The following UBA5 variants were observed in gnomAD, a reference collection of about 807,000 sequenced individuals.
UBA5 encodes the protein ubiquitin-like modifier-activating enzyme 5.
UBA5 carries 28 observed loss-of-function variants against 52.9 expected under a neutral mutation model. That is an observed-to-expected ratio of 0.53 (90% CI 0.39 to 0.73). The LOEUF is 0.73. Ranked by LOEUF, UBA5 falls within the 30% of genes least tolerant of loss-of-function variation. The pLI, the probability that UBA5 is intolerant of heterozygous loss-of-function variation, is 0.00. For synonymous variants in UBA5, 135 were observed against 162.1 expected (o/e 0.83, Z 1.27); for missense variants, 388 against 492.7 (o/e 0.79, Z 2.01).
At chr3:132,654,861 A>G (rs912918786) in intron 1 of UBA5, among the ~76,000 whole-genome samples, 2 of 152,238 alleles carry the variant, frequency 1.3e-5, no homozygotes, top group African/African-American at 4.8e-5. Flanking sequence ...TTCGTTGTGA[A>G]ACTTCTCAGC....
intron 8 of UBA5, among the ~76,000 whole-genome samples, chr3:132,674,606 T>A (rs925218551): frequency 1.3e-5 from 2 of 152,180 alleles, no homozygotes; most frequent in Non-Finnish European, 1.5e-5. Context: ...ATGGGATTGC[T>A]TGAGCCTGGG....
upstream of UBA5, among the ~76,000 whole-genome samples, chr3:132,656,618 C>T (rs1041803191): frequency 4.6e-5 from 7 of 151,922 alleles, no homozygotes; most frequent in Non-Finnish European, 8.8e-5. Context: ...CTCAGCCTCC[C>T]GAGTAGCTGG....
chr3:132,674,405 T>C (rs1938741062), intron 8 of UBA5, among the ~76,000 whole-genome samples: 1 of 152,178 alleles, frequency 6.6e-6, no homozygotes, highest in African/African-American at 2.4e-5. Context: ...GACATCAGAT[T>C]GGCCGGGTGC....
At chr3:132,662,830 T>C (rs1327015045) in intron 1 of UBA5, among the ~76,000 whole-genome samples, 2 of 152,164 alleles carry the variant, frequency 1.3e-5, no homozygotes, top group East Asian at 1.9e-4. Context: ...TTTTGGGCAG[T>C]TGATTAACCC....
At chr3:132,674,814 T>C (rs1938761249) in intron 8 of UBA5, among the ~76,000 whole-genome samples, 1 of 152,218 alleles carries the variant, frequency 6.6e-6, no homozygotes, top group African/African-American at 2.4e-5. Context: ...ACATTTAAGA[T>C]TGTGCATTTT....
At chr3:132,663,031 C>T (rs551599504) in intron 1 of UBA5, among the ~76,000 whole-genome samples, 2 of 151,922 alleles carry the variant, frequency 1.3e-5, no homozygotes, top group East Asian at 1.9e-4. Flanking sequence ...ATAAAGGGTT[C>T]GTATTAATAA....
Position 132,676,468 on chromosome 3 carries a change from C to G in UBA5, c.1157C>G (p.Thr386Arg). Residue 386 changes from threonine (T) to arginine (R), a missense_variant, in exon 12 of 12, where the codon ACA becomes AGA. By Grantham distance (71) the Thr-to-Arg change is moderately conservative. Around this residue, in one of 3 missense-constraint regions of UBA5, gnomAD observed 277 missense variants for 326.4 expected, o/e 0.85. Transcript: ENST00000356232. This position sits in a 1 kb window ranked among gnomAD's most constrained non-coding sequence, Gnocchi z 4.1. The stretch of plus-strand genomic sequence containing the variant: ...CAAGAAGATTCTGTCACTGAGTTAA[C>G]AGTGGAAGATTCTGGTGAAAGCTTG... ...KKQEDSVTELTVEDSGESLED... is the reference protein window; with the variant it reads ...KKQEDSVTELRVEDSGESLED... 1.2e-6 allele frequency: 2 copies of G among 1,609,978 alleles called. No individual in the cohort carries two copies. Among genetic ancestry groups the G allele is most frequent in the Non-Finnish European group, 8.5e-7 (1 of 1,178,634 alleles).
upstream of UBA5, among the ~76,000 whole-genome samples, chr3:132,655,968 G>A (rs1198896582): frequency 6.6e-6 from 1 of 152,150 alleles, no homozygotes; most frequent in African/African-American, 2.4e-5. Flanking sequence ...TAAGGCATGA[G>A]GAATAGTAAT....
chr3:132,671,798 A>G lies in UBA5; in HGVS notation c.601A>G (p.Thr201Ala). ...TAAGGCTTGTAATGAACTTGGACAA[A>G]CATGGATGGAATCTGGGGTCAGTGA... The part of the protein sequence containing the change: ...INTACNELGQ[T>A]WMESGVSENA... The change falls in exon 7 of 12, where the codon ACA becomes GCA. Residue 201 changes from threonine (T) to alanine (A), a missense_variant. This residue lies in a region of UBA5 where 277 missense variants were observed against 326.4 expected (regional missense o/e 0.85). Transcript: ENST00000356232. 1 of 1,613,154 alleles carries G rather than the reference A, an allele frequency of 6.2e-7. No individual in the cohort carries two copies. Among genetic ancestry groups the G allele is most frequent in the Non-Finnish European group, 8.5e-7 (1 of 1,179,666 alleles).
chr3:132,655,529 C>T (rs192626058), upstream of UBA5, among the ~76,000 whole-genome samples: 183 of 152,304 alleles, frequency 1.2e-3, no homozygotes, highest in Non-Finnish European at 2.0e-3. Context: ...TTAGCAGTCC[C>T]CTCTGTCTGG....
At position 132,676,345 on chromosome 3, in the gene UBA5, C is replaced by T; in HGVS notation, c.1132-98C>T. On this transcript the variant is annotated intron_variant, in intron 11 of 11. Transcript: ENST00000356232. This position sits in a 1 kb window ranked among gnomAD's most constrained non-coding sequence, Gnocchi z 4.1. ...TGTTAAAGAAAATTTACTTTATAACCTTGTTGAGCATGGTCAAAACTTGCT... is the reference window on the plus strand; with the variant it reads ...TGTTAAAGAAAATTTACTTTATAACTTTGTTGAGCATGGTCAAAACTTGCT... 1 of 923,936 alleles carries T rather than the reference C, an allele frequency of 1.1e-6. No individual in the cohort carries two copies. The highest frequency in any genetic ancestry group is 1.7e-6 in the Non-Finnish European group (1 of 600,780). 57.2% of individuals were successfully genotyped at this position (923,936 alleles called of 1,614,324 possible). A position where few individuals can be genotyped will look rare whatever the true frequency, so the allele number is the denominator to read the frequency against.
chr3:132,660,153 G>A (rs16839481), upstream of UBA5: 2,859 of 354,202 alleles, frequency 8.1e-3, 139 homozygotes, highest in Admixed American at 0.097. This position sits in a 1 kb window ranked among gnomAD's most constrained non-coding sequence, Gnocchi z 4.1. Flanking sequence ...AGACTGTCGA[G>A]CCTAAGAATA....
intron 1 of UBA5, among the ~76,000 whole-genome samples, chr3:132,663,491 C>A (rs996245290): frequency 6.6e-6 from 1 of 152,160 alleles, no homozygotes; most frequent in Admixed American, 6.5e-5. Context: ...AGTGTCGAGA[C>A]TCCCAGCCTT....
At chr3:132,658,299 G>C (rs1937926462), upstream of UBA5, among the ~76,000 whole-genome samples, 2 of 152,104 alleles carry the variant, frequency 1.3e-5, no homozygotes, top group Admixed American at 1.3e-4. Flanking sequence ...GGGATCCAGA[G>C]TTCCATATAT....
chr3:132,669,157 T>C (rs1479632844), intron 4 of UBA5, among the ~76,000 whole-genome samples: 1 of 152,208 alleles, frequency 6.6e-6, no homozygotes, highest in Non-Finnish European at 1.5e-5. Context: ...TTAGTTGCAG[T>C]TTGATAGCAG....
At position 132,671,004 on chromosome 3, in the gene UBA5, T is replaced by C. The variant is rs761998975; in HGVS notation, c.534T>C (p.Val178=). ...AAGAAGGAAAACCTGTTGATCTAGTTCTTAGCTGTGTGGACAATTTTGAAG... is the reference window on the plus strand; with the variant it reads ...AAGAAGGAAAACCTGTTGATCTAGTCCTTAGCTGTGTGGACAATTTTGAAG... ...GLEEGKPVDL[V]LSCVDNFEAR... The change falls in exon 6 of 12, where the codon GTT becomes GTC. Residue 178 remains valine, a synonymous_variant. Coordinates refer to ENST00000356232, the MANE Select transcript of UBA5 (RefSeq NM_024818.6). 2.5e-6 allele frequency: 4 copies of C among 1,613,426 alleles called. No homozygotes were observed. The South Asian group carries it at 4.4e-5, about 18-fold the overall frequency.
chr3:132,666,211 G>A (rs1033046139), intron 3 of UBA5, 138 bp downstream of exon 3: 18 of 672,470 alleles, frequency 2.7e-5, no homozygotes, highest in Non-Finnish European at 4.4e-5. Context: ...TTTCTACTCG[G>A]GTTGAGACAT....
Position 132,660,570 on chromosome 3 carries a change from G to C in UBA5, c.33G>C (p.Arg11=). 1 of 1,550,716 alleles carries C rather than the reference G, an allele frequency of 6.4e-7. No individual in the cohort carries two copies. The highest frequency in any genetic ancestry group is 8.7e-7 in the Non-Finnish European group (1 of 1,147,496). Reference sequence around the variant, plus strand: ...AGTCTGTGGAGCGCCTGCAGCAGCGGGTCCAGGAGCTGGAGCGGGAACTTG... The same window carrying C: ...AGTCTGTGGAGCGCCTGCAGCAGCGCGTCCAGGAGCTGGAGCGGGAACTTG... MAESVERLQQ[R]VQELERELAQ... The change falls in exon 1 of 12, where the codon CGG becomes CGC. Residue 11 remains arginine (R), a synonymous_variant. Transcript: ENST00000356232. This position sits in a 1 kb window ranked among gnomAD's most constrained non-coding sequence, Gnocchi z 4.1.
In UBA5 at chr3:132,660,940, G is replaced by C; in HGVS notation, c.161+242G>C. On this transcript the variant is annotated intron_variant, in intron 1 of 11. Transcript: ENST00000356232. This position sits in a 1 kb window ranked among gnomAD's most constrained non-coding sequence, Gnocchi z 4.1. ...TGCTGCTCCTGTGCCTGCTGAGGACGTGTGTCCAGTTTCCTATCACCCTTG... is the reference window on the plus strand; with the variant it reads ...TGCTGCTCCTGTGCCTGCTGAGGACCTGTGTCCAGTTTCCTATCACCCTTG... 1 of 1,491,320 alleles carries C rather than the reference G, an allele frequency of 6.7e-7. No individual in the cohort carries two copies. Among genetic ancestry groups the C allele is most frequent in the South Asian group, 1.3e-5 (1 of 79,264 alleles). 92.4% of individuals were successfully genotyped at this position (1,491,320 alleles called of 1,614,324 possible).
Sources: allele counts gnomAD v4.1 joint callset (sites outside exome capture counted in the v4.1 genomes callset), GRCh38; gene constraint gnomAD v4.1.1; regional missense constraint gnomAD v4.1.1; non-coding constraint Gnocchi (gnomAD v3.1); transcripts MANE v1.5; gene names NCBI Gene and HGNC (gene_info 2026-07-23, HGNC 2026-07-21).